DPYD: variants seen among roughly 807,000 people sequenced by gnomAD.
DPYD encodes the protein dihydropyrimidine dehydrogenase [NADP(+)].
DPYD carries 109 observed loss-of-function variants against 116.2 expected under a neutral mutation model. The observed-to-expected ratio is 0.94, with a 90% CI of 0.80 to 1.10. DPYD has a LOEUF of 1.10. Ranked by LOEUF, DPYD falls within the 50% of genes least tolerant of loss-of-function variation. DPYD has a pLI of 0.00. For synonymous variants in DPYD, 440 were observed against 432.0 expected, an observed-to-expected ratio of 1.02 and a Z score of -0.23; for missense variants, 1,302 against 1,254.5, an observed-to-expected ratio of 1.04 and a Z score of -0.57.
chr1:97,832,045 TTGTG>T (rs35795641), intron 2 of DPYD, among the ~76,000 whole-genome samples: 3,608 of 133,956 alleles, frequency 0.027, 54 homozygotes, highest in South Asian at 0.051. Flanking sequence ...ATATAATGTA[TTGTG>T]TGTGTGTGTG....
At chr1:97,663,522 T>C (rs1659384642) in intron 8 of DPYD, among the ~76,000 whole-genome samples, 1 of 152,210 alleles carries the variant, frequency 6.6e-6, no homozygotes, top group Admixed American at 6.5e-5. Flanking sequence ...CAATTTTCTC[T>C]TGCTTGAATT....
chr1:97,691,515 T>C (rs1366039612), intron 7 of DPYD: 4 of 528,678 alleles, frequency 7.6e-6, no homozygotes, highest in African/African-American at 3.8e-5. Context: ...ATGAGAACTA[T>C]TGATTGCCCT....
chr1:97,196,863 C>A (rs902832688), intron 19 of DPYD, among the ~76,000 whole-genome samples: 6 of 152,052 alleles, frequency 3.9e-5, no homozygotes, highest in African/African-American at 1.4e-4. Flanking sequence ...TTGCATGGAC[C>A]AAATGCATAC....
chr1:97,127,473 CT>C (rs1314094186), intron 20 of DPYD, among the ~76,000 whole-genome samples: 1 of 152,080 alleles, frequency 6.6e-6, no homozygotes, highest in Non-Finnish European at 1.5e-5. Flanking sequence ...TACCTAACTC[CT>C]TTTTCTATGA....
chr1:97,228,136 A>G (rs12402250), intron 19 of DPYD, among the ~76,000 whole-genome samples: 5 of 149,702 alleles, frequency 3.3e-5, no homozygotes, highest in Admixed American at 3.3e-4. Context: ...AAGGTAACAG[A>G]CTTTAGTTGT....
At chr1:97,134,014 A>AAT (rs1165027630) in intron 20 of DPYD, among the ~76,000 whole-genome samples, 57 of 18,790 alleles carry the variant, frequency 3.0e-3, no homozygotes, top group South Asian at 5.2e-3. Context: ...AAAAAAAAAA[A>AAT]ATATATATAT....
At chr1:97,672,592 T>C (rs913945108) in intron 8 of DPYD, among the ~76,000 whole-genome samples, 1 of 152,246 alleles carries the variant, frequency 6.6e-6, no homozygotes, top group Non-Finnish European at 1.5e-5. Flanking sequence ...AATCTATTCA[T>C]AGTTGTGGAT....
intron 13 of DPYD, among the ~76,000 whole-genome samples, chr1:97,469,991 T>C (rs916839144): frequency 7.9e-5 from 12 of 152,186 alleles, no homozygotes; most frequent in Admixed American, 7.9e-4. Flanking sequence ...GATAGCTAAA[T>C]AGACTTGAAT....
At chr1:97,485,103 C>T (rs532650847) in intron 13 of DPYD, among the ~76,000 whole-genome samples, 64 of 152,280 alleles carry the variant, frequency 4.2e-4, no homozygotes, top group African/African-American at 1.5e-3. Context: ...TCAATGTATA[C>T]ATTAGGTCTT....
chr1:97,463,236 C>A (rs1017393502), intron 13 of DPYD, among the ~76,000 whole-genome samples: 2 of 152,148 alleles, frequency 1.3e-5, no homozygotes, highest in African/African-American at 4.8e-5. Context: ...AATCATGGGG[C>A]AAGTCTTTCC....
At chr1:97,489,663 A>G (rs967061409) in intron 13 of DPYD, among the ~76,000 whole-genome samples, 20 of 152,316 alleles carry the variant, frequency 1.3e-4, no homozygotes, top group African/African-American at 4.6e-4. Flanking sequence ...AGTACTTACT[A>G]TGCCCTGAGT....
chr1:97,130,948 TCTATCTAA>T (rs1469616328), intron 20 of DPYD, among the ~76,000 whole-genome samples: 2 of 147,110 alleles, frequency 1.4e-5, no homozygotes, highest in African/African-American at 2.5e-5. Context: ...TATCTATCTA[TCTATCTAA>T]CTTCTGCATG....
chr1:97,644,059 G>T (rs1187257539), intron 8 of DPYD, among the ~76,000 whole-genome samples: 1 of 151,870 alleles, frequency 6.6e-6, no homozygotes, highest in Non-Finnish European at 1.5e-5. Context: ...TTCTGCACAT[G>T]CAACCTAGAA....
chr1:97,165,670 G>A (rs909254418), intron 20 of DPYD, among the ~76,000 whole-genome samples: 5 of 152,058 alleles, frequency 3.3e-5, no homozygotes, highest in African/African-American at 9.7e-5. Flanking sequence ...TGCAAACTAT[G>A]TATCGAACAA....
chr1:97,219,070 AG>A (rs1300865488), intron 19 of DPYD, among the ~76,000 whole-genome samples: 1 of 152,230 alleles, frequency 6.6e-6, no homozygotes, highest in Non-Finnish European at 1.5e-5. Context: ...TCCTTTAAAA[AG>A]GAGAGTGGCC....
chr1:97,459,183 G>A (rs1676877890), intron 13 of DPYD, among the ~76,000 whole-genome samples: 2 of 151,984 alleles, frequency 1.3e-5, no homozygotes, highest in Admixed American at 1.3e-4. Flanking sequence ...AAAATAATAT[G>A]GAAAATTAAA....
chr1:97,809,586 G>T (rs893647233), intron 3 of DPYD, among the ~76,000 whole-genome samples: 8 of 152,298 alleles, frequency 5.3e-5, no homozygotes, highest in Admixed American at 3.9e-4. Context: ...AAGAGTCAAG[G>T]ACTACCTAAA....
intron 18 of DPYD, 92 bp from the exon 19 acceptor site, chr1:97,235,086 G>C: frequency 6.8e-7 from 1 of 1,466,054 alleles, no homozygotes; most frequent in Non-Finnish European, 9.5e-7. Context: ...TGATGACAGC[G>C]TCACTGGACA....
intron 10 of DPYD, chr1:97,586,344 AAAAAAATT>A (rs1654095405): frequency 6.6e-6 from 1 of 151,248 alleles, no homozygotes; most frequent in Non-Finnish European, 1.5e-5. Context: ...CTAAAATGAA[AAAAAAATT>A]AATAGAGTAA....
Sources: allele counts gnomAD v4.1 joint callset (sites outside exome capture counted in the v4.1 genomes callset), GRCh38; gene constraint gnomAD v4.1.1; transcripts MANE v1.5; gene names NCBI Gene and HGNC (gene_info 2026-07-23, HGNC 2026-07-21).